The following RBFOX1 variants were observed in gnomAD, a reference collection of about 807,000 sequenced individuals.
RBFOX1 encodes the protein RNA binding protein fox-1 homolog 1.
Under a neutral mutation model 57.7 loss-of-function variants are expected in RBFOX1, and 8 were observed. That is an observed-to-expected ratio of 0.14 (90% CI 0.08 to 0.25). The LOEUF (loss-of-function observed/expected upper bound fraction) is 0.25. Ranked by LOEUF, RBFOX1 falls within the 10% of genes least tolerant of loss-of-function variation. RBFOX1 has a pLI of 1.00. For synonymous variants in RBFOX1, 326 were observed against 222.4 expected (o/e 1.47, Z -4.15); for missense variants, 611 against 548.5 (o/e 1.11, Z -1.14).
chr16:5,652,128 C>A (rs1421770671), intron 3 of RBFOX1, among the ~76,000 whole-genome samples: 1 of 151,946 alleles, frequency 6.6e-6, no homozygotes, highest in Admixed American at 6.6e-5. Context: ...AGTGAGACTC[C>A]ATCTAAAAAA....
At chr16:7,676,577 C>T (rs991706087) in intron 13 of RBFOX1, among the ~76,000 whole-genome samples, 197 bp from the exon 14 acceptor site, 1 of 152,198 alleles carries the variant, frequency 6.6e-6, no homozygotes, top group African/African-American at 2.4e-5. Flanking sequence ...TAACCTTTAA[C>T]ATCCAGCTGG....
chr16:7,112,303 A>G (rs1438555360), intron 4 of RBFOX1, among the ~76,000 whole-genome samples: 2 of 151,960 alleles, frequency 1.3e-5, no homozygotes, highest in East Asian at 3.9e-4. Context: ...TTTGGGTTCA[A>G]GTGATCCTCC....
chr16:5,964,287 CTTG>C (rs2059804116), intron 4 of RBFOX1, among the ~76,000 whole-genome samples: 1 of 152,108 alleles, frequency 6.6e-6, no homozygotes, highest in African/African-American at 2.4e-5. Flanking sequence ...CTCTTAGGCA[CTTG>C]TTGGTGGGAA....
At chr16:6,824,800 A>G (rs1039290554) in intron 3 of RBFOX1, among the ~76,000 whole-genome samples, 1 of 151,960 alleles carries the variant, frequency 6.6e-6, no homozygotes, top group African/African-American at 2.4e-5. Context: ...ATATATTTTT[A>G]AATTTGTAAT....
intron 1 of RBFOX1, among the ~76,000 whole-genome samples, chr16:6,132,449 C>T (rs75424014): frequency 0.024 from 3,704 of 152,292 alleles, 72 homozygotes; most frequent in Non-Finnish European, 0.037. Flanking sequence ...GCTAGTTTTA[C>T]TGAGCAGGAA....
rs142955904 is a variant in RBFOX1, at chr16:5,482,062, G to A, written c.258+14808G>A. On this transcript the variant is annotated intron_variant, in intron 2 of 2. Coordinates refer to the RBFOX1 transcript ENST00000585867. ...CCTCTTCTTAGGTAGTGATGACAGG[G>A]ACCCTGTCCAAGTAAGGATCCTACA... Among the ~76,000 whole-genome samples, 6 of 152,274 alleles carry A rather than the reference G, an allele frequency of 3.9e-5. No homozygotes were observed. The East Asian group carries it at 1.2e-3, about 29-fold the overall frequency.
chr16:6,761,992 C>T (rs182162455), intron 3 of RBFOX1, among the ~76,000 whole-genome samples: 59 of 152,190 alleles, frequency 3.9e-4, no homozygotes, highest in South Asian at 6.2e-4. Flanking sequence ...TCTCACGTGC[C>T]GCTCAAGCTC....
chr16:5,249,326 C>A (rs1450094222), intron 1 of RBFOX1, among the ~76,000 whole-genome samples: 2 of 152,192 alleles, frequency 1.3e-5, no homozygotes, highest in African/African-American at 4.8e-5. Flanking sequence ...GTGCCCCCCA[C>A]CTTGTCCCTC....
intron 2 of RBFOX1, among the ~76,000 whole-genome samples, chr16:5,530,547 C>T (rs140959746): frequency 1.8e-4 from 28 of 152,316 alleles, no homozygotes; most frequent in African/African-American, 6.3e-4. Flanking sequence ...TCTGCGGCAG[C>T]GTTTCTTAAC....
At chr16:6,331,444 A>AC (rs2083014805) in intron 2 of RBFOX1, among the ~76,000 whole-genome samples, 1 of 151,496 alleles carries the variant, frequency 6.6e-6, no homozygotes. Flanking sequence ...GAAGAAAAAA[A>AC]GTCTGGGAGG....
chr16:7,232,469 C>T (rs1224580440), intron 4 of RBFOX1, among the ~76,000 whole-genome samples: 1 of 152,106 alleles, frequency 6.6e-6, no homozygotes, highest in Non-Finnish European at 1.5e-5. Flanking sequence ...CAATAAATAG[C>T]CTGCATGCAA....
At chr16:5,408,956 A>G (rs562431801) in intron 1 of RBFOX1, among the ~76,000 whole-genome samples, 2 of 152,328 alleles carry the variant, frequency 1.3e-5, no homozygotes, top group African/African-American at 4.8e-5. Context: ...CCTACCTCTA[A>G]TACTGGGGAT....
At chr16:6,047,088 T>G (rs1001297888) in intron 1 of RBFOX1, among the ~76,000 whole-genome samples, 1 of 152,118 alleles carries the variant, frequency 6.6e-6, no homozygotes, top group Non-Finnish European at 1.5e-5. Flanking sequence ...ACACAGAGGA[T>G]GCATTATCAT....
chr16:6,493,393 TC>T (rs2095679936), intron 2 of RBFOX1, among the ~76,000 whole-genome samples: 5 of 152,154 alleles, frequency 3.3e-5, no homozygotes, highest in Non-Finnish European at 7.3e-5. Context: ...TACACACTTG[TC>T]ATTCATCGCC....
chr16:6,789,830 C>T (rs1439016431), intron 3 of RBFOX1, among the ~76,000 whole-genome samples: 1 of 151,980 alleles, frequency 6.6e-6, no homozygotes, highest in African/African-American at 2.4e-5. Flanking sequence ...TTTGTGCTTT[C>T]TCCCACCTTT....
At chr16:7,352,347 A>T (rs931338580) in intron 4 of RBFOX1, among the ~76,000 whole-genome samples, 2 of 152,198 alleles carry the variant, frequency 1.3e-5, no homozygotes, top group East Asian at 3.9e-4. Flanking sequence ...ACCAAGTCGG[A>T]GAGAACTGAA....
chr16:5,419,873 C>T (rs183453931), intron 1 of RBFOX1, among the ~76,000 whole-genome samples: 1 of 152,004 alleles, frequency 6.6e-6, no homozygotes, highest in African/African-American at 2.4e-5. Flanking sequence ...GAGAGGGACC[C>T]TGGGTGATAG....
intron 4 of RBFOX1, among the ~76,000 whole-genome samples, chr16:7,350,953 A>T (rs955950277): frequency 2.0e-5 from 3 of 152,226 alleles, no homozygotes; most frequent in Non-Finnish European, 4.4e-5. Flanking sequence ...TGAGCATGGA[A>T]GATCAGTCTT....
chr16:5,594,297 G>A (rs905768839), intron 2 of RBFOX1, among the ~76,000 whole-genome samples: 4 of 152,064 alleles, frequency 2.6e-5, no homozygotes, highest in African/African-American at 9.7e-5. Flanking sequence ...TTCATAGGTG[G>A]GCACATAAAC....
Sources: gnomAD v4.1 joint callset for allele counts (sites outside exome capture counted in the v4.1 genomes callset) on GRCh38, gnomAD v4.1.1 for gene constraint, MANE v1.5 for transcripts, NCBI Gene and HGNC (gene_info 2026-07-23, HGNC 2026-07-21) for gene names.